The following KLHL29 variants were observed in gnomAD, a reference collection of about 807,000 sequenced individuals.
KLHL29 encodes kelch-like protein 29.
Under a neutral mutation model 80.4 loss-of-function variants are expected in KLHL29, and 21 were observed. The ratio of observed to expected loss-of-function variants is 0.26; its 90% CI spans 0.19 to 0.38. The LOEUF is 0.38. KLHL29 is among the 10% of genes least tolerant of loss of function. KLHL29 has a pLI of 1.00. For missense variants in KLHL29, 867 were observed against 1,223.9 expected, an observed-to-expected ratio of 0.71 and a Z score of 4.35; for synonymous variants, 511 against 526.8, an observed-to-expected ratio of 0.97 and a Z score of 0.41.
At chr2:23,487,259 C>CT (rs1219330739) in intron 2 of KLHL29, among the ~76,000 whole-genome samples, 1 of 152,164 alleles carries the variant, frequency 6.6e-6, no homozygotes, top group African/African-American at 2.4e-5. Context: ...AGCAGAGCGT[C>CT]TCCTTGCTGG....
intron 6 of KLHL29, among the ~76,000 whole-genome samples, chr2:23,687,579 G>A (rs189722485): frequency 3.3e-5 from 5 of 152,328 alleles, no homozygotes; most frequent in Middle Eastern, 3.4e-3. Context: ...GTGGGGACAC[G>A]CTGCAGACAG....
chr2:23,671,619 G>A (rs1670765892), intron 5 of KLHL29, among the ~76,000 whole-genome samples: 1 of 152,144 alleles, frequency 6.6e-6, no homozygotes, highest in South Asian at 2.1e-4. Flanking sequence ...GGAAGCAGAA[G>A]CCCTGAGGCT....
intron 5 of KLHL29, among the ~76,000 whole-genome samples, chr2:23,666,314 G>A (rs964319493): frequency 2.0e-5 from 3 of 152,184 alleles, no homozygotes; most frequent in Non-Finnish European, 4.4e-5. Context: ...CAAAACCAGG[G>A]CAGGGGTCTC....
At chr2:23,444,662 T>C (rs1473845576) in intron 1 of KLHL29, among the ~76,000 whole-genome samples, 1 of 152,188 alleles carries the variant, frequency 6.6e-6, no homozygotes, top group Non-Finnish European at 1.5e-5. Flanking sequence ...GTTAACATGT[T>C]TACCTGTTTG....
chr2:23,466,713 C>A (rs1333607177), intron 1 of KLHL29, among the ~76,000 whole-genome samples: 1 of 152,086 alleles, frequency 6.6e-6, no homozygotes, highest in Non-Finnish European at 1.5e-5. Context: ...GTTTTTTTAT[C>A]TTTTAAATGT....
intron 2 of KLHL29, among the ~76,000 whole-genome samples, chr2:23,518,959 C>T (rs751739390): frequency 6.6e-6 from 1 of 152,206 alleles, no homozygotes; most frequent in South Asian, 2.1e-4. Context: ...TTAGTGACTT[C>T]CCCCAGGCAA....
intron 3 of KLHL29, among the ~76,000 whole-genome samples, chr2:23,637,617 G>T (rs568754898): frequency 3.3e-5 from 5 of 152,172 alleles, no homozygotes; most frequent in Admixed American, 1.3e-4. Flanking sequence ...TACGGCTCCC[G>T]TTCCTCCAGC....
rs147656593 is a variant in KLHL29 at position 23,647,507 on chromosome 2, C to T, written c.940+4657C>T. On this transcript the variant is annotated intron_variant, in intron 5 of 13. Transcript: ENST00000486442. This position sits in a 1 kb window ranked among gnomAD's most constrained non-coding sequence, Gnocchi z 4.9. The stretch of plus-strand genomic sequence containing the variant: ...CTAGCACTAAGTCTGAAAACTCAAT[C>T]GATTCAGGTTTCTACATATGTCCTC... Among the ~76,000 whole-genome samples, 5 of 152,316 alleles carry T rather than the reference C, an allele frequency of 3.3e-5. No individual in the cohort carries two copies. The highest frequency in any genetic ancestry group is 7.2e-5 in the African/African-American group (3 of 41,560).
At chr2:23,512,320 CT>C (rs1665797085) in intron 2 of KLHL29, among the ~76,000 whole-genome samples, 1 of 152,050 alleles carries the variant, frequency 6.6e-6, no homozygotes, top group Non-Finnish European at 1.5e-5. Context: ...TGGCATATCC[CT>C]GTAATCCCAG....
Position 23,696,614 on chromosome 2 carries a change from AG to A in KLHL29, c.2105+102del. The A allele has an allele frequency of 1.0e-6, 1 of 955,578 alleles. No homozygotes were observed. The highest frequency in any genetic ancestry group is 1.7e-5 in the South Asian group (1 of 58,342). 59.2% of individuals were successfully genotyped at this position (955,578 alleles called of 1,614,324 possible). A position where few individuals can be genotyped will look rare whatever the true frequency, so the allele number is the denominator to read the frequency against. The stretch of plus-strand genomic sequence containing the variant: ...CCCAACACCCACTCAGTGGCGATGG[AG>A]CAGAGCCTGGACCATTCATATGGGC... On this transcript the variant is annotated intron_variant, in intron 11 of 13. Coordinates refer to ENST00000486442, the MANE Select transcript of KLHL29 (RefSeq NM_052920.2). The surrounding 1 kb of genome is among the most constrained non-coding windows in gnomAD (Gnocchi z 5.5).
chr2:23,679,237 T>A (rs1320158996), intron 5 of KLHL29, among the ~76,000 whole-genome samples: 1 of 152,136 alleles, frequency 6.6e-6, no homozygotes, highest in Non-Finnish European at 1.5e-5. Context: ...CAGCCACTTA[T>A]TTAGATTGTG....
At chr2:23,576,024 G>A (rs1375513202) in intron 3 of KLHL29, among the ~76,000 whole-genome samples, 1 of 152,240 alleles carries the variant, frequency 6.6e-6, no homozygotes, top group African/African-American at 2.4e-5. Context: ...GCTGAGGGGG[G>A]CCGCGCCCAG....
chr2:23,605,344 C>G (rs1212893755), intron 3 of KLHL29, among the ~76,000 whole-genome samples: 1 of 151,864 alleles, frequency 6.6e-6, no homozygotes, highest in African/African-American at 2.4e-5. Flanking sequence ...GCAGTCCTCC[C>G]ACCTCGGCCT....
At chr2:23,630,292 T>C (rs112338448) in intron 3 of KLHL29, among the ~76,000 whole-genome samples, 1 of 152,300 alleles carries the variant, frequency 6.6e-6, no homozygotes, top group Non-Finnish European at 1.5e-5. Flanking sequence ...GCTTTAGTAT[T>C]ATCCTGATAG....
intron 5 of KLHL29, chr2:23,671,829 G>A (rs982644092): frequency 2.0e-5 from 3 of 152,296 alleles, no homozygotes; most frequent in African/African-American, 7.2e-5. Context: ...GAGGGCAGCG[G>A]GCTCCCAGGG....
rs567447992 is a variant in KLHL29 at position 23,495,501 on chromosome 2, C to G, written c.-46+19834C>G. Among the ~76,000 whole-genome samples the G allele has an allele frequency of 5.9e-4, 90 of 152,330 alleles. No homozygotes were observed. In the Middle Eastern group the frequency reaches 0.01, roughly 17 times the overall value. On this transcript the variant is annotated intron_variant, in intron 2 of 13. Coordinates refer to ENST00000486442, the MANE Select transcript of KLHL29 (RefSeq NM_052920.2). ...TCATCTCACTTAAACCAGTACAATA[C>G]TCTTTATCTTCTGCCCTGGGTGGCA...
intron 3 of KLHL29, among the ~76,000 whole-genome samples, chr2:23,573,570 C>T (rs1440895386): frequency 2.0e-5 from 3 of 152,166 alleles, no homozygotes; most frequent in African/African-American, 7.2e-5. Flanking sequence ...GCTGGCGACA[C>T]GACCGGAAGG....
intron 2 of KLHL29, among the ~76,000 whole-genome samples, chr2:23,484,841 C>A (rs1264371877): frequency 6.6e-6 from 1 of 152,178 alleles, no homozygotes; most frequent in Non-Finnish European, 1.5e-5. Flanking sequence ...TCTGCAGACT[C>A]CTGTTCTCCC....
chr2:23,486,850 C>T (rs566170155), intron 2 of KLHL29, among the ~76,000 whole-genome samples: 82 of 152,284 alleles, frequency 5.4e-4, no homozygotes, highest in Admixed American at 7.2e-4. Context: ...CCAAAGGCAT[C>T]ACCCCTCCCC....
Sources: allele counts gnomAD v4.1 joint callset (sites outside exome capture counted in the v4.1 genomes callset), GRCh38; gene constraint gnomAD v4.1.1; non-coding constraint Gnocchi (gnomAD v3.1); transcripts MANE v1.5; gene names NCBI Gene and HGNC (gene_info 2026-07-23, HGNC 2026-07-21).